The following PINX1 variants were observed in gnomAD, a reference collection of about 807,000 sequenced individuals.
PINX1 encodes the protein PIN2/TERF1-interacting telomerase inhibitor 1.
PINX1 carries 34 observed loss-of-function variants against 25.4 expected under a neutral mutation model. The ratio of observed to expected loss-of-function variants is 1.34; its 90% CI spans 1.02 to 1.78. The LOEUF (loss-of-function observed/expected upper bound fraction) is 1.78, where lower values mean the gene tolerates loss of function less well. Among genes scored for constraint, PINX1 ranks in the 40% most tolerant of loss-of-function variants. The pLI is 0.00. For synonymous variants in PINX1, 197 were observed against 147.7 expected (o/e 1.33, Z -2.42); for missense variants, 592 against 404.9 (o/e 1.46, Z -3.97).
chr8:10,796,469 G>A (rs1178534084), intron 6 of PINX1, among the ~76,000 whole-genome samples: 1 of 152,160 alleles, frequency 6.6e-6, no homozygotes, highest in East Asian at 1.9e-4. Flanking sequence ...GAGCAGCTTG[G>A]GAAAGGGAAT....
chr8:10,786,922 G>A (rs1801768009), intron 6 of PINX1, among the ~76,000 whole-genome samples: 2 of 152,150 alleles, frequency 1.3e-5, no homozygotes, highest in Non-Finnish European at 2.9e-5. Flanking sequence ...CTATTCGACT[G>A]TCTTTGAACA....
Position 10,765,850 on chromosome 8 carries a change from C to A in PINX1, c.538G>T (p.Glu180Ter). 6.2e-7 allele frequency: 1 copy of A among 1,613,968 alleles called. No individual in the cohort carries two copies. The highest frequency in any genetic ancestry group is 8.5e-7 in the Non-Finnish European group (1 of 1,179,900). ...TTTTSAFTIQ[E>*]YFAKRMAALK... ...GCTGCCATCCGCTTGGCAAAGTACT[C>A]CTGGATGGTGAAGGCGCTGGTTGTC... The change falls in exon 7 of 7, where the codon GAG becomes TAG. Residue 180 changes from glutamate (E) to a stop codon, truncating the protein, a stop_gained. Coordinates refer to ENST00000314787, the MANE Select transcript of PINX1 (RefSeq NM_017884.6). LOFTEE classifies it low-confidence loss of function (END_TRUNC).
At chr8:10,832,116 C>T (rs575046839) in intron 3 of PINX1, among the ~76,000 whole-genome samples, 191 of 151,466 alleles carry the variant, frequency 1.3e-3, no homozygotes, top group Non-Finnish European at 2.4e-3. Context: ...AGGACAAGAA[C>T]CATGCGGGAC....
At chr8:10,783,068 A>G (rs1462457545) in intron 6 of PINX1, among the ~76,000 whole-genome samples, 3 of 152,224 alleles carry the variant, frequency 2.0e-5, no homozygotes, top group Non-Finnish European at 2.9e-5. Flanking sequence ...CATAGATTGC[A>G]AGAAATTTAA....
intron 6 of PINX1, among the ~76,000 whole-genome samples, chr8:10,813,291 A>C (rs9969626): frequency 0.64 from 96,652 of 151,946 alleles, 31,874 homozygotes; most frequent in African/African-American, 0.8. Context: ...CCTCTTGAAA[A>C]TCACCTAACC....
At chr8:10,769,809 C>T (rs1027697426) in intron 6 of PINX1, among the ~76,000 whole-genome samples, 4 of 152,176 alleles carry the variant, frequency 2.6e-5, no homozygotes, top group South Asian at 2.1e-4. Flanking sequence ...CACAGGACCC[C>T]GACTCCTAGC....
intron 4 of PINX1, 150 bp from the exon 5 acceptor site, chr8:10,826,394 C>G (rs1224310081): frequency 1.8e-6 from 1 of 543,088 alleles, no homozygotes; most frequent in Non-Finnish European, 3.2e-6. Context: ...CAGCACCCTT[C>G]TGCTGGATCT....
chr8:10,834,556 C>T, intron 2 of PINX1, 110 bp downstream of exon 2: 3 of 1,430,554 alleles, frequency 2.1e-6, no homozygotes, highest in South Asian at 1.5e-5. Context: ...ATCAAAATCA[C>T]TTACTGATCC....
chr8:10,832,946 A>C lies in PINX1; in HGVS notation c.168T>G (p.Ile56Met). The change falls in exon 3 of 7, where the codon ATT (isoleucine) becomes ATG (methionine). Residue 56 changes from isoleucine to methionine, a missense_variant. Ile to Met is a conservative substitution (Grantham distance 10). Coordinates refer to ENST00000314787, the MANE Select transcript of PINX1 (RefSeq NM_017884.6). ...GGTGGTTATTTTTCACTTGAACTTT[A>C]ATATGATCTGTGGCTCCTTGCTCCT... The part of the protein sequence containing the change: ...GAQEQGATDH[I>M]KVQVKNNHLG... The C allele has an allele frequency of 6.2e-7, 1 of 1,612,124 alleles. No homozygotes were observed. The highest frequency in any genetic ancestry group is 8.5e-7 in the Non-Finnish European group (1 of 1,178,996).
intron 5 of PINX1, among the ~76,000 whole-genome samples, chr8:10,824,719 G>T (rs1202830930): frequency 6.6e-6 from 1 of 152,212 alleles, no homozygotes; most frequent in Non-Finnish European, 1.5e-5. Context: ...AAAATTAGAA[G>T]ATTCTACCTG....
intron 1 of PINX1, among the ~76,000 whole-genome samples, chr8:10,835,346 A>C (rs1171697649): frequency 6.6e-6 from 1 of 152,232 alleles, no homozygotes; most frequent in Non-Finnish European, 1.5e-5. Context: ...TAGAGAAAGA[A>C]ATTTGCCGAA....
At chr8:10,799,316 G>A (rs1802190538) in intron 6 of PINX1, among the ~76,000 whole-genome samples, 1 of 152,090 alleles carries the variant, frequency 6.6e-6, no homozygotes, top group African/African-American at 2.4e-5. Flanking sequence ...ACTTTAAAGG[G>A]TGTGTTCATG....
chr8:10,819,211 T>A (rs994531987), intron 6 of PINX1, among the ~76,000 whole-genome samples: 1 of 152,258 alleles, frequency 6.6e-6, no homozygotes, highest in African/African-American at 2.4e-5. Flanking sequence ...GGGAATCATC[T>A]AATGAGACTT....
At chr8:10,774,189 A>G (rs1801315918) in intron 6 of PINX1, among the ~76,000 whole-genome samples, 1 of 152,184 alleles carries the variant, frequency 6.6e-6, no homozygotes, top group Admixed American at 6.5e-5. Flanking sequence ...AAGAACCATG[A>G]CAACTCAAAT....
intron 6 of PINX1, among the ~76,000 whole-genome samples, chr8:10,782,335 C>T (rs1563206934): frequency 6.6e-6 from 1 of 152,086 alleles, no homozygotes; most frequent in Non-Finnish European, 1.5e-5. Flanking sequence ...TGAGATTACA[C>T]CTGCTCTTGC....
At chr8:10,773,294 G>A (rs1801287935) in intron 6 of PINX1, among the ~76,000 whole-genome samples, 1 of 152,194 alleles carries the variant, frequency 6.6e-6, no homozygotes, top group Non-Finnish European at 1.5e-5. Context: ...CTCAAGCTCT[G>A]TCTCCTGCCA....
intron 6 of PINX1, among the ~76,000 whole-genome samples, chr8:10,805,385 T>C (rs990696839): frequency 2.0e-5 from 3 of 152,228 alleles, no homozygotes; most frequent in Non-Finnish European, 4.4e-5. Flanking sequence ...ATTTCCATGA[T>C]ACACTTTAGA....
At chr8:10,785,361 C>G (rs2129074808) in intron 6 of PINX1, among the ~76,000 whole-genome samples, 1 of 152,304 alleles carries the variant, frequency 6.6e-6, no homozygotes, top group South Asian at 2.1e-4. Flanking sequence ...TAGAACCAGT[C>G]TACGAAAAGA....
Position 10,789,678 on chromosome 8 carries a change from A to T in PINX1, c.472-23762T>A, listed in dbSNP as rs553716102. 2.0e-5 allele frequency among the ~76,000 whole-genome samples: 3 copies of T among 152,340 alleles called. No homozygotes were observed. In the South Asian group the frequency reaches 6.2e-4, roughly 32 times the overall value. Reference sequence around the variant, plus strand: ...GCCCAGTGGCAGAGCCAAAAACGCAAGCTGCTAAAGAGACAAAACGTGTTC... The same window carrying T: ...GCCCAGTGGCAGAGCCAAAAACGCATGCTGCTAAAGAGACAAAACGTGTTC... On this transcript the variant is annotated intron_variant, in intron 6 of 6. Coordinates refer to ENST00000314787, the MANE Select transcript of PINX1 (RefSeq NM_017884.6).
Sources: gnomAD v4.1 joint callset for allele counts (sites outside exome capture counted in the v4.1 genomes callset) on GRCh38, gnomAD v4.1.1 for gene constraint, MANE v1.5 for transcripts, NCBI Gene and HGNC (gene_info 2026-07-23, HGNC 2026-07-21) for gene names.